The following ZNF518A variants were observed in gnomAD, a reference collection of about 807,000 sequenced individuals.
ZNF518A encodes zinc finger protein 518.
A neutral mutation model predicts 102.7 loss-of-function variants in ZNF518A; 47 were observed. The observed-to-expected ratio is 0.46, with a 90% CI of 0.36 to 0.58. The LOEUF is 0.58. Among genes scored for constraint, ZNF518A ranks in the 20% least tolerant of loss-of-function variants. ZNF518A has a pLI of 0.00. For synonymous variants in ZNF518A, 652 were observed against 594.6 expected (o/e 1.10, Z -1.40); for missense variants, 1,793 against 1,699.8 (o/e 1.05, Z -0.96).
intron 3 of ZNF518A, among the ~76,000 whole-genome samples, chr10:96,134,940 G>GT (rs2081524509): frequency 6.6e-6 from 1 of 152,144 alleles, no homozygotes; most frequent in Non-Finnish European, 1.5e-5. Context: ...GTCATATATT[G>GT]TTTTTGTCAA....
intron 1 of ZNF518A, among the ~76,000 whole-genome samples, chr10:96,178,773 A>G (rs902089319): frequency 6.4e-4 from 98 of 152,072 alleles, no homozygotes; most frequent in Non-Finnish European, 1.4e-3. Context: ...TAAAAGCATT[A>G]TATTAGAATA....
At chr10:96,136,312 G>A (rs781979300) in intron 3 of ZNF518A, among the ~76,000 whole-genome samples, 1 of 151,240 alleles carries the variant, frequency 6.6e-6, no homozygotes, top group African/African-American at 2.4e-5. Context: ...TTTAAAAATA[G>A]CAATTAACTT....
upstream of ZNF518A, chr10:96,129,792 A>C (rs587657864): frequency 6.6e-6 from 1 of 152,436 alleles, no homozygotes; most frequent in South Asian, 2.1e-4. Flanking sequence ...AAGAGCACAG[A>C]GTAGACGTTT....
At chr10:96,204,875 A>C, downstream of ZNF518A, 1 of 430,154 alleles carries the variant, frequency 2.3e-6, no homozygotes, top group Non-Finnish European at 4.4e-6. Flanking sequence ...GTACATAGAG[A>C]CTGAACCCAC....
chr10:96,169,485 C>CT (rs1354239046), intron 1 of ZNF518A, among the ~76,000 whole-genome samples: 2 of 152,136 alleles, frequency 1.3e-5, no homozygotes, highest in Non-Finnish European at 2.9e-5. Context: ...AGTTACTGTG[C>CT]TTTTCAACTG....
chr10:96,197,172 T>C, intron 1 of ZNF518A: 1 of 795,514 alleles, frequency 1.3e-6, no homozygotes, highest in Non-Finnish European at 1.9e-6. Context: ...CAAAGGTAAA[T>C]TATTTAGCTA....
At chr10:96,179,002 G>A (rs1220242728) in intron 1 of ZNF518A, among the ~76,000 whole-genome samples, 1 of 152,082 alleles carries the variant, frequency 6.6e-6, no homozygotes, top group Non-Finnish European at 1.5e-5. Flanking sequence ...TAATATCAAT[G>A]CTGCACAAAT....
At chr10:96,131,707 C>T (rs1433325075) in intron 1 of ZNF518A, among the ~76,000 whole-genome samples, 1 of 152,186 alleles carries the variant, frequency 6.6e-6, no homozygotes, top group Non-Finnish European at 1.5e-5. Context: ...ACAGTAACCA[C>T]AATGAACACC....
downstream of ZNF518A, among the ~76,000 whole-genome samples, chr10:96,164,506 A>G (rs1258418447): frequency 1.3e-5 from 2 of 152,216 alleles, no homozygotes; most frequent in Admixed American, 1.3e-4. Context: ...GTTGAGTTTG[A>G]TGTTTATTAA....
chr10:96,191,982 T>C (rs1554893530), intron 1 of ZNF518A: 2 of 1,613,762 alleles, frequency 1.2e-6, no homozygotes, highest in South Asian at 1.1e-5. Context: ...TTTATGAAAC[T>C]TTAACTGCAT....
At chr10:96,179,795 C>G in intron 1 of ZNF518A, among the ~76,000 whole-genome samples, 1 of 151,748 alleles carries the variant, frequency 6.6e-6, no homozygotes, top group Non-Finnish European at 1.5e-5. Context: ...TCTTCCTCCT[C>G]CTCCTCCTCC....
At chr10:96,154,058 C>T (rs7087254) in intron 3 of ZNF518A, among the ~76,000 whole-genome samples, 12,069 of 152,250 alleles carry the variant, frequency 0.079, 977 homozygotes, top group African/African-American at 0.21. Flanking sequence ...TTGCCCTAGT[C>T]CCTGAAGGAG....
chr10:96,131,314 G>C (rs1278946597), intron 1 of ZNF518A, among the ~76,000 whole-genome samples: 4 of 152,160 alleles, frequency 2.6e-5, no homozygotes, highest in Admixed American at 1.3e-4. Flanking sequence ...CTCTAAGGTT[G>C]ATATCCTCAG....
chr10:96,170,064 A>C (rs1163478908), intron 1 of ZNF518A, among the ~76,000 whole-genome samples: 1 of 152,214 alleles, frequency 6.6e-6, no homozygotes, highest in Non-Finnish European at 1.5e-5. Flanking sequence ...TTCAGCCTCC[A>C]GGTTGGCCAT....
chr10:96,136,707 A>G (rs1241810927), intron 3 of ZNF518A, among the ~76,000 whole-genome samples: 3 of 152,054 alleles, frequency 2.0e-5, no homozygotes, highest in Non-Finnish European at 4.4e-5. Context: ...GTGATGATTG[A>G]TTGCTCATAG....
intron 1 of ZNF518A, among the ~76,000 whole-genome samples, chr10:96,177,411 G>C (rs904501171): frequency 1.6e-4 from 25 of 152,080 alleles, no homozygotes; most frequent in Middle Eastern, 6.8e-3. Flanking sequence ...GAAGAAAAAT[G>C]GTATCTTATC....
At chr10:96,166,559 G>A (rs782019517), downstream of ZNF518A, among the ~76,000 whole-genome samples, 1 of 152,080 alleles carries the variant, frequency 6.6e-6, no homozygotes, top group Non-Finnish European at 1.5e-5. Flanking sequence ...ACAAGGTCAG[G>A]AGATCGAGAC....
intron 3 of ZNF518A, among the ~76,000 whole-genome samples, chr10:96,144,203 C>T (rs1472666013): frequency 1.3e-5 from 2 of 152,030 alleles, no homozygotes; most frequent in African/African-American, 2.4e-5. Flanking sequence ...CTAGGCTGGT[C>T]TTGAACTCCT....
In ZNF518A at chr10:96,156,217, T is replaced by A; in HGVS notation, c.-106T>A. The A allele has an allele frequency of 9.5e-7, 1 of 1,052,846 alleles. No individual in the cohort carries two copies. The highest frequency in any genetic ancestry group is 1.3e-6 in the Non-Finnish European group (1 of 776,310). The allele number at this position is 1,052,846 out of a possible 1,614,324, so 65.2% of individuals were successfully genotyped here. ...TTTAGGTGAGTTATTGTGGGAAAAA[T>A]CCTGTATATTGAAGATGTCTCTACA... On this transcript the variant is annotated 5_prime_UTR_variant, in exon 6 of 6. Transcript: ENST00000316045.
Sources: allele counts gnomAD v4.1 joint callset (sites outside exome capture counted in the v4.1 genomes callset), GRCh38; gene constraint gnomAD v4.1.1; transcripts MANE v1.5; gene names NCBI Gene and HGNC (gene_info 2026-07-23, HGNC 2026-07-21).